ABCC1: variants seen among roughly 807,000 people sequenced by gnomAD.
The protein encoded by ABCC1 is ATP binding cassette subfamily C member 1 (ABCC1 blood group).
Under a neutral mutation model 172.9 loss-of-function variants are expected in ABCC1, and 83 were observed. That is an observed-to-expected ratio of 0.48 (90% CI 0.40 to 0.58). ABCC1 has a LOEUF of 0.58. ABCC1 is among the 20% of genes least tolerant of loss of function. ABCC1 has a pLI of 0.00. For synonymous variants in ABCC1, 937 were observed against 825.2 expected, an observed-to-expected ratio of 1.14 and a Z score of -2.32; for missense variants, 1,817 against 2,002.7, an observed-to-expected ratio of 0.91 and a Z score of 1.77.
chr16:16,138,617 A>C, intron 30 of ABCC1, 59 bp downstream of exon 30: 7 of 1,373,596 alleles, frequency 5.1e-6, no homozygotes, highest in South Asian at 1.6e-5. Flanking sequence ...TCACTGGCTC[A>C]CTCATTAATT....
At chr16:15,956,803 A>G (rs1441714780) in intron 1 of ABCC1, among the ~76,000 whole-genome samples, 1 of 152,128 alleles carries the variant, frequency 6.6e-6, no homozygotes, top group Admixed American at 6.6e-5. Context: ...TGAGGAGGCT[A>G]AGGAGGAGGA....
chr16:16,069,152 T>TAAAAAAAAAAAAAAAAAAAAAA (rs1567368876), intron 13 of ABCC1, among the ~76,000 whole-genome samples: 2 of 141,740 alleles, frequency 1.4e-5, no homozygotes, highest in African/African-American at 5.4e-5. Flanking sequence ...TAAAAAAAAA[T>TAAAAAAAAAAAAAAAAAAAAAA]AAAATAAAAT....
chr16:16,028,039 C>T (rs888287443), intron 5 of ABCC1, among the ~76,000 whole-genome samples: 11 of 152,162 alleles, frequency 7.2e-5, no homozygotes, highest in African/African-American at 1.4e-4. Flanking sequence ...GGGATTGAGC[C>T]GTGCCAGCTA....
intron 9 of ABCC1, among the ~76,000 whole-genome samples, chr16:16,046,747 C>T (rs942554169): frequency 6.7e-6 from 1 of 150,296 alleles, no homozygotes; most frequent in Non-Finnish European, 1.5e-5. Flanking sequence ...ACCTAAATTA[C>T]CTTCTTGATC....
intron 6 of ABCC1, among the ~76,000 whole-genome samples, chr16:16,035,473 T>A (rs769391177): frequency 7.5e-5 from 11 of 147,412 alleles, no homozygotes; most frequent in Non-Finnish European, 1.5e-4. Flanking sequence ...TTTTATTTTT[T>A]AATTTTTTCC....
At chr16:15,989,368 C>A (rs147810203) in intron 1 of ABCC1, among the ~76,000 whole-genome samples, 1 of 152,176 alleles carries the variant, frequency 6.6e-6, no homozygotes, top group African/African-American at 2.4e-5. Context: ...CCCTGCCAGC[C>A]GTGCTTGCCT....
At chr16:16,111,662 G>A (rs2052395950) in intron 22 of ABCC1, 80 bp downstream of exon 22, 1 of 1,335,218 alleles carries the variant, frequency 7.5e-7, no homozygotes, top group Non-Finnish European at 1.0e-6. Context: ...GATCCTTAGA[G>A]TCCTCAGCGT....
chr16:16,138,714 C>CT (rs397973927), intron 30 of ABCC1, among the ~76,000 whole-genome samples, 156 bp downstream of exon 30: 18,258 of 129,630 alleles, frequency 0.14, 1,966 homozygotes, highest in African/African-American at 0.26. Context: ...CCAGCTATTT[C>CT]TTTTTTTTTT....
intron 19 of ABCC1, among the ~76,000 whole-genome samples, chr16:16,096,269 C>T (rs867158381): frequency 6.6e-6 from 1 of 152,038 alleles, no homozygotes; most frequent in South Asian, 2.1e-4. Context: ...CGAGAAAGAA[C>T]ATCTTTCTGC....
In ABCC1 at chr16:16,133,372, TTTTTTGTTTTTG is replaced by T. The variant is rs10638507; in HGVS notation, c.3967-955_3967-944del. ...AGAGTGGGTGATGTTCTTGCTGTCT[TTTTTTGTTTTTG>T]TTTTTGTTTTTGTTTTTGTTTTGTT... On this transcript the variant is annotated intron_variant, in intron 27 of 30. Transcript: ENST00000399410. Among the ~76,000 whole-genome samples the T allele has an allele frequency of 1.3e-4, 19 of 148,670 alleles. 1 individual carries two copies. Among genetic ancestry groups the T allele is most frequent in the South Asian group, 4.3e-4 (2 of 4,622 alleles).
At chr16:15,980,161 A>G (rs536586327) in intron 1 of ABCC1, among the ~76,000 whole-genome samples, 1 of 152,162 alleles carries the variant, frequency 6.6e-6, no homozygotes, top group African/African-American at 2.4e-5. Context: ...TAGGTAGTAC[A>G]TATTTTAGGT....
At chr16:16,124,196 T>C (rs2045300326) in intron 24 of ABCC1, among the ~76,000 whole-genome samples, 1 of 152,222 alleles carries the variant, frequency 6.6e-6, no homozygotes. Context: ...TATTTTCTAC[T>C]TGTTTTTAGC....
At position 16,142,465 on chromosome 16, in the gene ABCC1, T is replaced by C. The variant is rs1202830065; in HGVS notation, c.*1184T>C. ...CCAAAAAAATGTCCCCTTGAGTCTTTTCCTTGTTTTTAGATGTTAATTCTC... is the reference window on the plus strand; with the variant it reads ...CCAAAAAAATGTCCCCTTGAGTCTTCTCCTTGTTTTTAGATGTTAATTCTC... On this transcript the variant is annotated 3_prime_UTR_variant, in exon 31 of 31. Coordinates refer to ENST00000399410, the MANE Select transcript of ABCC1 (RefSeq NM_004996.4). 1 of 152,204 alleles carries C rather than the reference T, an allele frequency of 6.6e-6. No homozygotes were observed. Among genetic ancestry groups the C allele is most frequent in the Non-Finnish European group, 1.5e-5 (1 of 68,034 alleles). The allele number at this position is 152,204 out of a possible 1,614,324, so 9.4% of individuals were successfully genotyped here.
At chr16:16,118,902 A>AAG (rs2045026711) in intron 23 of ABCC1, among the ~76,000 whole-genome samples, 1 of 149,070 alleles carries the variant, frequency 6.7e-6, no homozygotes, top group African/African-American at 2.6e-5. Flanking sequence ...AAAAAAAAAA[A>AAG]AAAGAGCAAA....
chr16:16,010,451 C>A (rs1391303237), intron 3 of ABCC1, among the ~76,000 whole-genome samples: 1 of 152,106 alleles, frequency 6.6e-6, no homozygotes, highest in Non-Finnish European at 1.5e-5. Context: ...CCTTTTGTTG[C>A]GTTTGCCACA....
At chr16:16,079,253 CT>C (rs781355453) in intron 15 of ABCC1, 98 bp from the exon 16 acceptor site, 6 of 1,534,708 alleles carry the variant, frequency 3.9e-6, no homozygotes, top group Non-Finnish European at 5.3e-6. Context: ...CTGTCTTTCT[CT>C]TTCTCTACTT....
At chr16:16,083,602 T>C in intron 17 of ABCC1, 60 bp downstream of exon 17, 4 of 1,572,714 alleles carry the variant, frequency 2.5e-6, no homozygotes, top group Non-Finnish European at 3.5e-6. Context: ...TAACAAATGC[T>C]CTCACAATCT....
intron 29 of ABCC1, among the ~76,000 whole-genome samples, chr16:16,137,900 T>C (rs1283381084): frequency 1.3e-5 from 2 of 152,032 alleles, no homozygotes; most frequent in African/African-American, 4.8e-5. Context: ...TGTCTCACTC[T>C]GTTGCCTAGG....
chr16:16,043,114 C>T (rs1597161824), intron 7 of ABCC1, among the ~76,000 whole-genome samples: 5 of 151,620 alleles, frequency 3.3e-5, no homozygotes, highest in Admixed American at 2.6e-4. Flanking sequence ...CCACCCGCCT[C>T]GACCTCCCGA....
Sources: gnomAD v4.1 joint callset for allele counts (sites outside exome capture counted in the v4.1 genomes callset) on GRCh38, gnomAD v4.1.1 for gene constraint, MANE v1.5 for transcripts, NCBI Gene and HGNC (gene_info 2026-07-23, HGNC 2026-07-21) for gene names.